The following CLOCK variants were observed in gnomAD, a reference collection of about 807,000 sequenced individuals.
The protein encoded by CLOCK is circadian locomoter output cycles protein kaput.
CLOCK carries 43 observed loss-of-function variants against 118.4 expected under a neutral mutation model. That is an observed-to-expected ratio of 0.36 (90% CI 0.28 to 0.47). The LOEUF (loss-of-function observed/expected upper bound fraction) is 0.47. Among genes scored for constraint, CLOCK ranks in the 20% least tolerant of loss-of-function variants. CLOCK has a pLI of 1.00. For missense variants in CLOCK, 846 were observed against 999.9 expected, an observed-to-expected ratio of 0.85 and a Z score of 2.08; for synonymous variants, 326 against 339.2, an observed-to-expected ratio of 0.96 and a Z score of 0.43.
chr4:55,450,153 G>T lies in CLOCK; in HGVS notation c.1286C>A (p.Thr429Asn). The T allele has an allele frequency of 6.2e-7, 1 of 1,614,114 alleles. No homozygotes were observed. Among genetic ancestry groups the T allele is most frequent in the Non-Finnish European group, 8.5e-7 (1 of 1,180,010 alleles). Residue 429 changes from threonine (T) to asparagine (N), a missense_variant, in exon 16 of 23, where the codon ACC becomes AAC. By Grantham distance (65) the Thr-to-Asn change is moderately conservative. Coordinates refer to ENST00000513440, the MANE Select transcript of CLOCK (RefSeq NM_004898.4). Reference sequence around the variant, plus strand: ...TGAACTCCGAGAAGAGGCAGAAGGGGTTGGGCTGTGATCAAACCTTTCCAA... The same window carrying T: ...TGAACTCCGAGAAGAGGCAGAAGGGTTTGGGCTGTGATCAAACCTTTCCAA... Reference protein sequence around the residue: ...EALERFDHSPTPSASSRSSRK... With the variant: ...EALERFDHSPNPSASSRSSRK...
chr4:55,438,642 C>T, intron 21 of CLOCK, 105 bp from the exon 22 acceptor site: 1 of 1,546,150 alleles, frequency 6.5e-7, no homozygotes, highest in Non-Finnish European at 8.8e-7. Context: ...AATGACATTG[C>T]CAGTTTGTTT....
intron 2 of CLOCK, among the ~76,000 whole-genome samples, chr4:55,492,514 C>T (rs1727781895): frequency 1.3e-5 from 2 of 152,120 alleles, no homozygotes; most frequent in Non-Finnish European, 2.9e-5. Flanking sequence ...ATCAAAGATG[C>T]ATCTAAACTT....
At chr4:55,438,838 G>A (rs1216431828) in intron 21 of CLOCK, among the ~76,000 whole-genome samples, 3 of 152,116 alleles carry the variant, frequency 2.0e-5, no homozygotes, top group Admixed American at 6.5e-5. Context: ...AACTTGAAAT[G>A]GACCAAAGAC....
Position 55,479,624 on chromosome 4 carries a change from T to G in CLOCK, c.107+16A>C, listed in dbSNP as rs769857524. 2.5e-6 allele frequency: 4 copies of G among 1,583,730 alleles called. No homozygotes were observed. The highest frequency in any genetic ancestry group is 2.6e-6 in the Non-Finnish European group (3 of 1,153,120). ...TTATTCATTCATTTACTATTTTATA[T>G]CTCTAATCAAACTACCTTTTCGCTT... On this transcript the variant is annotated intron_variant, in intron 5 of 22. Coordinates refer to ENST00000513440, the MANE Select transcript of CLOCK (RefSeq NM_004898.4).
chr4:55,470,673 T>G (rs747424422), intron 8 of CLOCK, 44 bp downstream of exon 8: 3 of 1,334,950 alleles, frequency 2.2e-6, no homozygotes, highest in Non-Finnish European at 3.2e-6. Context: ...ATATTTAAAA[T>G]AGGCATTTTA....
In CLOCK at chr4:55,493,052, T is replaced by C. The variant is rs1727825256; in HGVS notation, c.-135-3587A>G. 2.0e-5 allele frequency among the ~76,000 whole-genome samples: 3 copies of C among 152,296 alleles called. No homozygotes were observed. The South Asian group carries it at 6.2e-4, about 32-fold the overall frequency. On this transcript the variant is annotated intron_variant, in intron 2 of 22. Transcript: ENST00000513440. Reference sequence around the variant, plus strand: ...TTCTCCCATGAACATGCATTACTTTTATAATCAGAAAGCTTAAGTGCTGCA... The same window carrying C: ...TTCTCCCATGAACATGCATTACTTTCATAATCAGAAAGCTTAAGTGCTGCA...
At chr4:55,530,141 T>C (rs1730442300) in intron 1 of CLOCK, among the ~76,000 whole-genome samples, 1 of 151,934 alleles carries the variant, frequency 6.6e-6, no homozygotes, top group Admixed American at 6.6e-5. Flanking sequence ...ACCTACTGAG[T>C]CCAGCAAAGA....
At chr4:55,502,943 A>T (rs1221407793) in intron 2 of CLOCK, among the ~76,000 whole-genome samples, 1 of 152,216 alleles carries the variant, frequency 6.6e-6, no homozygotes, top group Non-Finnish European at 1.5e-5. Context: ...TTAAAACTAC[A>T]ATAGACCTTT....
intron 21 of CLOCK, among the ~76,000 whole-genome samples, chr4:55,439,517 A>AC (rs1175836957): frequency 6.6e-6 from 1 of 152,020 alleles, no homozygotes. Context: ...TGCTTATATA[A>AC]CCCCCCAAAA....
At chr4:55,524,260 A>G (rs1730028236) in intron 1 of CLOCK, among the ~76,000 whole-genome samples, 1 of 151,868 alleles carries the variant, frequency 6.6e-6, no homozygotes, top group African/African-American at 2.4e-5. Flanking sequence ...AAATTAGCTG[A>G]GCATGGTGGC....
At chr4:55,444,029 T>C in intron 19 of CLOCK, 133 bp from the exon 20 acceptor site, 3 of 689,522 alleles carry the variant, frequency 4.4e-6, no homozygotes, top group Non-Finnish European at 7.3e-6. Flanking sequence ...TTTGAAGAAT[T>C]AGCAATAAAT....
chr4:55,496,096 G>A (rs1479795140), intron 2 of CLOCK, among the ~76,000 whole-genome samples: 1 of 152,056 alleles, frequency 6.6e-6, no homozygotes, highest in Non-Finnish European at 1.5e-5. Context: ...GGCTAAGGCA[G>A]GAGAATCGCT....
At chr4:55,516,748 T>C (rs1178930506) in intron 1 of CLOCK, among the ~76,000 whole-genome samples, 1 of 152,224 alleles carries the variant, frequency 6.6e-6, no homozygotes, top group East Asian at 1.9e-4. Context: ...TTGCTTTCTG[T>C]TCTTTATTCC....
At chr4:55,440,042 AC>A (rs1723229211) in intron 21 of CLOCK, among the ~76,000 whole-genome samples, 1 of 152,118 alleles carries the variant, frequency 6.6e-6, no homozygotes, top group East Asian at 1.9e-4. Flanking sequence ...ATAAAAAAAA[AC>A]CTTTTTCTTT....
chr4:55,542,600 T>C lies in CLOCK; in HGVS notation c.-290+4182A>G, dbSNP rs78373265. ...TTTAAAACAAACCCTCTGGAACTAT[T>C]AGAGAACCAGAGGGATGGATGGAGG... On this transcript the variant is annotated intron_variant, in intron 1 of 22. Transcript: ENST00000513440. Among the ~76,000 whole-genome samples, 716 of 152,038 alleles carry C rather than the reference T, an allele frequency of 4.7e-3. 7 individuals carry two copies. Among genetic ancestry groups the C allele is most frequent in the African/African-American group, 0.017 (693 of 41,474 alleles).
At chr4:55,504,642 C>T (rs1728682878) in intron 2 of CLOCK, among the ~76,000 whole-genome samples, 1 of 151,920 alleles carries the variant, frequency 6.6e-6, no homozygotes, top group Admixed American at 6.6e-5. Context: ...AGTACAGGAT[C>T]AATAAAAACT....
At chr4:55,463,946 T>C in intron 8 of CLOCK, 141 bp from the exon 9 acceptor site, 2 of 821,474 alleles carry the variant, frequency 2.4e-6, no homozygotes, top group South Asian at 3.7e-5. Flanking sequence ...ATAGACCAAA[T>C]CTCAAAAAAT....
At chr4:55,474,382 G>C (rs1010526981) in intron 7 of CLOCK, among the ~76,000 whole-genome samples, 2 of 152,222 alleles carry the variant, frequency 1.3e-5, no homozygotes, top group African/African-American at 4.8e-5. Flanking sequence ...TATAAGGAAA[G>C]AGGCCATCTC....
intron 1 of CLOCK, among the ~76,000 whole-genome samples, chr4:55,514,475 A>G (rs1179547205): frequency 1.3e-5 from 2 of 150,954 alleles, no homozygotes; most frequent in Non-Finnish European, 2.9e-5. Flanking sequence ...AACTATCACT[A>G]CAATCTAATT....
Sources: allele counts gnomAD v4.1 joint callset (sites outside exome capture counted in the v4.1 genomes callset), GRCh38; gene constraint gnomAD v4.1.1; transcripts MANE v1.5; gene names NCBI Gene and HGNC (gene_info 2026-07-23, HGNC 2026-07-21).